DBF4B: variants seen among roughly 807,000 people sequenced by gnomAD.
DBF4B encodes the protein DBF4B-CDC7 kinase regulatory subunit, also known as protein DBF4 homolog B.
DBF4B carries 49 observed loss-of-function variants against 53.4 expected under a neutral mutation model. That is an observed-to-expected ratio of 0.92 (90% CI 0.73 to 1.16). The LOEUF is 1.16. Among genes scored for constraint, DBF4B ranks in the 50% most tolerant of loss-of-function variants. DBF4B has a pLI of 0.00. For missense variants in DBF4B, 692 were observed against 775.0 expected (o/e 0.89, Z 1.27); for synonymous variants, 257 against 288.7 (o/e 0.89, Z 1.11).
In DBF4B at chr17:44,708,751, T is replaced by A; in HGVS notation, c.-70T>A. 6.5e-7 allele frequency: 1 copy of A among 1,527,746 alleles called. No individual in the cohort carries two copies. Among genetic ancestry groups the A allele is most frequent in the Non-Finnish European group, 8.9e-7 (1 of 1,129,736 alleles). The allele number at this position is 1,527,746 out of a possible 1,614,324, so 94.6% of individuals were successfully genotyped here. ...GGACTGTGGAATCGGGAAGAGCTCA[T>A]GGAGCTCGCGAATGTAATACGGAGG... On this transcript the variant is annotated 5_prime_UTR_variant, in exon 1 of 14. The change abolishes an upstream ATG in the 5' untranslated region. Coordinates refer to ENST00000315005, the MANE Select transcript of DBF4B (RefSeq NM_145663.3).
chr17:44,748,884 G>T (rs1485418275), intron 13 of DBF4B: 1 of 1,290,266 alleles, frequency 7.8e-7, no homozygotes, highest in African/African-American at 1.5e-5. Flanking sequence ...TCCAGCCCTT[G>T]TGCCACTCAC....
chr17:44,734,233 T>C, intron 7 of DBF4B, 70 bp downstream of exon 7: 4 of 1,590,492 alleles, frequency 2.5e-6, no homozygotes, highest in Non-Finnish European at 3.4e-6. Context: ...CTTAGGTAAA[T>C]CCATGGCCCA....
At chr17:44,745,014 C>G (rs1234902544) in intron 10 of DBF4B, among the ~76,000 whole-genome samples, 1 of 152,132 alleles carries the variant, frequency 6.6e-6, no homozygotes, top group African/African-American at 2.4e-5. Context: ...TCACTGCAAC[C>G]TCCACCTCCC....
chr17:44,735,445 G>C (rs751698858), intron 7 of DBF4B, among the ~76,000 whole-genome samples: 19 of 152,230 alleles, frequency 1.2e-4, no homozygotes, highest in Non-Finnish European at 2.5e-4. Flanking sequence ...GACCGAGGCA[G>C]GTGAATCGCT....
chr17:44,708,925 GA>G, intron 1 of DBF4B, 86 bp downstream of exon 1: 1 of 1,521,304 alleles, frequency 6.6e-7, no homozygotes, highest in Non-Finnish European at 8.9e-7. Context: ...GGGGGCTTAG[GA>G]AGTGACCAGC....
chr17:44,724,981 C>T (rs552709654), intron 3 of DBF4B, among the ~76,000 whole-genome samples: 7 of 152,006 alleles, frequency 4.6e-5, no homozygotes, highest in South Asian at 2.1e-4. Context: ...CCGGGTGTGG[C>T]GGCACATGCC....
At position 44,708,843 on chromosome 17, in the gene DBF4B, C is replaced by T. The variant is rs1202645859; in HGVS notation, c.19+4C>T. 2 of 1,550,588 alleles carry T rather than the reference C, an allele frequency of 1.3e-6. No homozygotes were observed. The highest frequency in any genetic ancestry group is 1.7e-6 in the Non-Finnish European group (2 of 1,146,532). On this transcript the variant is annotated splice_donor_region_variant and intron_variant, in intron 1 of 13. Coordinates refer to ENST00000315005, the MANE Select transcript of DBF4B (RefSeq NM_145663.3). ...TTGATGAGCGAACCGGGAAAGGGTA[C>T]GGATGCCGGGAAGGGGAGAAAGAAA...
rs140293948 is a variant in DBF4B at position 44,721,901 on chromosome 17, G to A, written c.83-979G>A. Among the ~76,000 whole-genome samples, 377 of 151,878 alleles carry A rather than the reference G, an allele frequency of 2.5e-3. 8 individuals are homozygous for A. Among genetic ancestry groups the A allele is most frequent in the Admixed American group, 0.023 (344 of 15,202 alleles). On this transcript the variant is annotated intron_variant, in intron 2 of 13. Coordinates refer to ENST00000315005, the MANE Select transcript of DBF4B (RefSeq NM_145663.3). ...TGTAATCCCAGCACTTTGGGAGGCC[G>A]AGGCGAGCAGATCACCTGAGGTCGG...
intron 7 of DBF4B, among the ~76,000 whole-genome samples, chr17:44,734,437 A>T (rs575667372): frequency 1.3e-5 from 2 of 152,300 alleles, no homozygotes; most frequent in African/African-American, 4.8e-5. Flanking sequence ...GGCTCCCTAC[A>T]GTAGTTCTGG....
At chr17:44,716,473 G>A (rs1316584204) in intron 2 of DBF4B, among the ~76,000 whole-genome samples, 1 of 152,116 alleles carries the variant, frequency 6.6e-6, no homozygotes, top group African/African-American at 2.4e-5. Context: ...GCTTTCACCT[G>A]TGCCCAATGT....
At chr17:44,712,743 TTC>T (rs1443623898) in intron 2 of DBF4B, among the ~76,000 whole-genome samples, 1 of 149,868 alleles carries the variant, frequency 6.7e-6, no homozygotes, top group African/African-American at 2.4e-5. Context: ...CCGGCCTGTC[TTC>T]TTTTTTTTTT....
chr17:44,731,766 A>T (rs1010866009), intron 5 of DBF4B: 1 of 174,194 alleles, frequency 5.7e-6, no homozygotes, highest in Non-Finnish European at 1.2e-5. Context: ...GTGCTGCTGG[A>T]CTGAGCCAGT....
intron 9 of DBF4B, among the ~76,000 whole-genome samples, chr17:44,741,040 C>G (rs1469155732): frequency 2.0e-5 from 3 of 151,878 alleles, no homozygotes; most frequent in African/African-American, 7.3e-5. Context: ...GAGGCTGAGG[C>G]AGGAGAATGG....
Position 44,747,109 on chromosome 17 carries a change from C to T in DBF4B, c.857C>T (p.Pro286Leu), listed in dbSNP as rs755230966. The T allele has an allele frequency of 7.4e-6, 12 of 1,614,166 alleles. No homozygotes were observed. Among genetic ancestry groups the T allele is most frequent in the Non-Finnish European group, 9.3e-6 (11 of 1,180,026 alleles). Reference protein sequence around the residue: ...TRESKDGEPSPRSAAHTMPRR... With the variant: ...TRESKDGEPSLRSAAHTMPRR... Reference sequence around the variant, plus strand: ...GAATCCAAGGATGGAGAGCCAAGCCCACGATCAGCTGCCCACACCATGCCC... The same window carrying T: ...GAATCCAAGGATGGAGAGCCAAGCCTACGATCAGCTGCCCACACCATGCCC... The change falls in exon 11 of 14, where the codon CCA becomes CTA. Residue 286 changes from proline (P) to leucine (L), a missense_variant. This residue lies in a region of DBF4B where 597 missense variants were observed against 665.8 expected (regional missense o/e 0.90). Coordinates refer to ENST00000315005, the MANE Select transcript of DBF4B (RefSeq NM_145663.3).
intron 5 of DBF4B, 190 bp from the exon 6 acceptor site, chr17:44,731,988 T>A (rs1233251576): frequency 3.5e-6 from 2 of 577,334 alleles, no homozygotes; most frequent in African/African-American, 1.9e-5. Flanking sequence ...AATGTGGCCA[T>A]GTGGAGGACA....
In DBF4B at chr17:44,708,684, A is replaced by G. The variant is rs895920944; in HGVS notation, c.-137A>G. On this transcript the variant is annotated 5_prime_UTR_variant, in exon 1 of 14. Transcript: ENST00000315005. Reference sequence around the variant, plus strand: ...AAATTTAAACTGAAGCCGCGGCCGAAAACGCCAAGAGATTGATGCTGTAGC... The same window carrying G: ...AAATTTAAACTGAAGCCGCGGCCGAGAACGCCAAGAGATTGATGCTGTAGC... The G allele has an allele frequency of 2.0e-5, 22 of 1,079,470 alleles. No homozygotes were observed. In the African/African-American group the frequency reaches 3.3e-4, roughly 16 times the overall value. The allele number at this position is 1,079,470 out of a possible 1,614,324, so 66.9% of individuals were successfully genotyped here. A position where few individuals can be genotyped will look rare whatever the true frequency, so the allele number is the denominator to read the frequency against.
chr17:44,750,146 C>T (rs932036900), intron 13 of DBF4B: 17 of 995,964 alleles, frequency 1.7e-5, no homozygotes, highest in Middle Eastern at 1.0e-3. Context: ...ACATCACCCT[C>T]CTCCCTCGCT....
chr17:44,729,345 G>C (rs953737605), intron 3 of DBF4B, among the ~76,000 whole-genome samples: 1 of 150,896 alleles, frequency 6.6e-6, no homozygotes, highest in Non-Finnish European at 1.5e-5. Context: ...AGGACTATAG[G>C]TGCATGTAAC....
intron 3 of DBF4B, among the ~76,000 whole-genome samples, chr17:44,725,684 C>CTTCTTTTTTTTTTTTTTTTTTTTTTTTTT (rs777349094): frequency 1.1e-5 from 1 of 87,662 alleles, no homozygotes; most frequent in Non-Finnish European, 2.3e-5. Context: ...TTTTGTGCTT[C>CTTCTTTTTTTTTTTTTTTTTTTTTTTTTT]TTTTTTTTTT....
Sources: gnomAD v4.1 joint callset for allele counts (sites outside exome capture counted in the v4.1 genomes callset) on GRCh38, gnomAD v4.1.1 for gene constraint, gnomAD v4.1.1 regional missense constraint, MANE v1.5 for transcripts, NCBI Gene and HGNC (gene_info 2026-07-23, HGNC 2026-07-21) for gene names.